Variants in ZNF385D observed in about 807,000 individuals in gnomAD.
The protein encoded by ZNF385D is zinc finger protein 385D, also known as zinc finger protein 659.
Under a neutral mutation model 35.8 loss-of-function variants are expected in ZNF385D, and 15 were observed. The observed-to-expected ratio is 0.42, with a 90% CI of 0.28 to 0.64. ZNF385D has a LOEUF of 0.64. ZNF385D is among the 30% of genes least tolerant of loss of function. The pLI is 0.23. For synonymous variants in ZNF385D, 212 were observed against 186.8 expected (o/e 1.13, Z -1.10); for missense variants, 474 against 494.6 (o/e 0.96, Z 0.39).
At chr3:21,662,605 G>A (rs140115010) in intron 2 of ZNF385D, among the ~76,000 whole-genome samples, 2 of 152,248 alleles carry the variant, frequency 1.3e-5, no homozygotes, top group South Asian at 4.1e-4. Flanking sequence ...CTGATTATGG[G>A]CTTTCCAACA....
chr3:22,127,098 T>C (rs527464288), intron 3 of ZNF385D, among the ~76,000 whole-genome samples: 21 of 152,154 alleles, frequency 1.4e-4, no homozygotes, highest in Non-Finnish European at 2.4e-4. Flanking sequence ...TTATAAGCAA[T>C]AGATCATTAG....
At chr3:21,889,855 G>A (rs977259655) in intron 3 of ZNF385D, among the ~76,000 whole-genome samples, 10 of 152,272 alleles carry the variant, frequency 6.6e-5, no homozygotes, top group South Asian at 2.1e-4. Context: ...AGGTGCCACA[G>A]AAGAGTCTGT....
At chr3:21,888,809 T>C (rs1033348816) in intron 3 of ZNF385D, among the ~76,000 whole-genome samples, 1 of 152,224 alleles carries the variant, frequency 6.6e-6, no homozygotes, top group Non-Finnish European at 1.5e-5. Context: ...ATGAGGTGCC[T>C]GTTCATCTAA....
intron 3 of ZNF385D, among the ~76,000 whole-genome samples, chr3:21,889,040 T>G (rs1018935416): frequency 6.6e-6 from 1 of 152,232 alleles, no homozygotes; most frequent in Non-Finnish European, 1.5e-5. Context: ...GGGAGTGCCC[T>G]TGACATTTAT....
chr3:21,943,286 G>A (rs1242585220), intron 3 of ZNF385D, among the ~76,000 whole-genome samples: 1 of 151,668 alleles, frequency 6.6e-6, no homozygotes, highest in Admixed American at 6.6e-5. Flanking sequence ...GTGTGTGTGT[G>A]TGTGTATAGA....
intron 3 of ZNF385D, among the ~76,000 whole-genome samples, chr3:22,068,057 G>T (rs777249933): frequency 1.3e-5 from 2 of 152,080 alleles, no homozygotes. Flanking sequence ...GTAGCCACTG[G>T]TTACCTGTGG....
chr3:22,224,576 T>C (rs1698446034), intron 2 of ZNF385D, among the ~76,000 whole-genome samples: 1 of 152,094 alleles, frequency 6.6e-6, no homozygotes, highest in Admixed American at 6.5e-5. Context: ...AGGAAGCCCA[T>C]GGAGAACACA....
intron 3 of ZNF385D, among the ~76,000 whole-genome samples, chr3:21,857,410 CTATT>C (rs1184420468): frequency 6.6e-6 from 1 of 152,082 alleles, no homozygotes; most frequent in East Asian, 2.0e-4. Context: ...AAACATAACT[CTATT>C]TAAGTAGTTT....
intron 2 of ZNF385D, chr3:22,169,147 T>A (rs1706522578): frequency 6.6e-6 from 2 of 302,106 alleles, no homozygotes; most frequent in Non-Finnish European, 9.7e-6. Context: ...ATTAAAAATT[T>A]CTATGTACTC....
At chr3:22,184,968 C>G (rs938629492) in intron 2 of ZNF385D, among the ~76,000 whole-genome samples, 3 of 151,688 alleles carry the variant, frequency 2.0e-5, no homozygotes, top group African/African-American at 7.3e-5. Flanking sequence ...CCTGCCTTGT[C>G]CTGAGTTTTT....
chr3:21,473,871 A>T (rs1704058527), intron 4 of ZNF385D, among the ~76,000 whole-genome samples: 1 of 151,962 alleles, frequency 6.6e-6, no homozygotes, highest in South Asian at 2.1e-4. Context: ...CTTCTATTAA[A>T]CCATCTGCCT....
chr3:21,693,851 T>C lies in ZNF385D; in HGVS notation c.23-28823A>G, dbSNP rs145274359. ...CAAAAATATTAATACTGTAAAACTTTAGGAAATCTTTTTAGAAAATCTTTT... is the reference window on the plus strand; with the variant it reads ...CAAAAATATTAATACTGTAAAACTTCAGGAAATCTTTTTAGAAAATCTTTT... On this transcript the variant is annotated intron_variant, in intron 1 of 7. Transcript: ENST00000281523. Among the ~76,000 whole-genome samples the C allele has an allele frequency of 3.3e-3, 495 of 151,122 alleles. 4 individuals carry two copies. Among genetic ancestry groups the C allele is most frequent in the African/African-American group, 0.011 (465 of 41,312 alleles).
At chr3:21,653,273 A>C (rs911189173) in intron 2 of ZNF385D, among the ~76,000 whole-genome samples, 1 of 152,162 alleles carries the variant, frequency 6.6e-6, no homozygotes, top group Non-Finnish European at 1.5e-5. Context: ...ATTAGATCTT[A>C]ACATGTGTAT....
chr3:22,133,413 G>A (rs1703918912), intron 3 of ZNF385D, among the ~76,000 whole-genome samples: 1 of 151,818 alleles, frequency 6.6e-6, no homozygotes, highest in Non-Finnish European at 1.5e-5. Flanking sequence ...GGAGAGGCAG[G>A]AAAAGAGAAG....
At chr3:22,105,264 C>A (rs928709123) in intron 3 of ZNF385D, among the ~76,000 whole-genome samples, 3 of 150,704 alleles carry the variant, frequency 2.0e-5, no homozygotes, top group African/African-American at 7.3e-5. Flanking sequence ...AAATAGTGTA[C>A]ATTTAACACA....
intron 2 of ZNF385D, among the ~76,000 whole-genome samples, chr3:22,173,398 T>G (rs1009918563): frequency 6.6e-6 from 1 of 152,146 alleles, no homozygotes; most frequent in African/African-American, 2.4e-5. Context: ...TAGAGAAAAT[T>G]GGATGGGAGG....
At chr3:21,777,048 T>C (rs949007685) in intron 3 of ZNF385D, among the ~76,000 whole-genome samples, 3 of 151,994 alleles carry the variant, frequency 2.0e-5, no homozygotes, top group African/African-American at 7.2e-5. Flanking sequence ...CCTCAGCCTT[T>C]TCCCCACATG....
At chr3:21,980,867 C>G (rs1013530816) in intron 3 of ZNF385D, among the ~76,000 whole-genome samples, 1 of 152,078 alleles carries the variant, frequency 6.6e-6, no homozygotes, top group South Asian at 2.1e-4. Context: ...GCCTCCAGTT[C>G]CATCTATATT....
chr3:22,014,474 C>T (rs1372826874), intron 3 of ZNF385D, among the ~76,000 whole-genome samples: 3 of 152,036 alleles, frequency 2.0e-5, no homozygotes, highest in African/African-American at 7.2e-5. Flanking sequence ...ACATGGAATG[C>T]TCATCAAACA....
Sources: gnomAD v4.1 joint callset for allele counts (sites outside exome capture counted in the v4.1 genomes callset) on GRCh38, gnomAD v4.1.1 for gene constraint, MANE v1.5 for transcripts, NCBI Gene and HGNC (gene_info 2026-07-23, HGNC 2026-07-21) for gene names.